The following BNC2 variants were observed in gnomAD, a reference collection of about 807,000 sequenced individuals.
The protein encoded by BNC2 is zinc finger protein basonuclin-2.
In BNC2, 20 loss-of-function variants were observed where a neutral mutation model predicts 76.3. The ratio of observed to expected loss-of-function variants is 0.26; its 90% confidence interval spans 0.18 to 0.38. The LOEUF (loss-of-function observed/expected upper bound fraction) is 0.38, where lower values mean the gene tolerates loss of function less well. BNC2 is among the 10% of genes least tolerant of loss of function. BNC2 has a pLI of 1.00. For missense variants in BNC2, 1,382 were observed against 1,399.8 expected (o/e 0.99, Z 0.20); for synonymous variants, 582 against 514.8 (o/e 1.13, Z -1.77).
At chr9:16,859,721 G>T (rs1178375972) in intron 1 of BNC2, among the ~76,000 whole-genome samples, 1 of 152,216 alleles carries the variant, frequency 6.6e-6, no homozygotes, top group African/African-American at 2.4e-5. Flanking sequence ...GTAAACGGGA[G>T]TTGTTATTCA....
intron 1 of BNC2, among the ~76,000 whole-genome samples, chr9:16,824,512 A>C (rs945130904): frequency 6.6e-6 from 1 of 152,070 alleles, no homozygotes; most frequent in Non-Finnish European, 1.5e-5. Flanking sequence ...GTTCTCCCAA[A>C]CTGTTATCTC....
intron 4 of BNC2, among the ~76,000 whole-genome samples, chr9:16,557,862 T>A (rs558984563): frequency 6.6e-6 from 1 of 151,660 alleles, no homozygotes; most frequent in South Asian, 2.1e-4. Flanking sequence ...TTTGTTGTTG[T>A]TTGTTTGTTT....
chr9:16,822,644 T>G lies in BNC2; in HGVS notation c.3+48002A>C, dbSNP rs1484553641. On this transcript the variant is annotated intron_variant, in intron 1 of 6. Coordinates refer to ENST00000380672, the MANE Select transcript of BNC2 (RefSeq NM_017637.6). The stretch of plus-strand genomic sequence containing the variant: ...GAACATTTTAAAAACACCAAAGTTG[T>G]TGTCATTTGCCCAAACGTGTCAAAT... Among the ~76,000 whole-genome samples the G allele has an allele frequency of 2.0e-5, 3 of 152,312 alleles. No individual in the cohort carries two copies. The East Asian group carries it at 5.8e-4, about 29-fold the overall frequency.
At chr9:16,582,411 C>T (rs1465509440) in intron 4 of BNC2, among the ~76,000 whole-genome samples, 2 of 152,114 alleles carry the variant, frequency 1.3e-5, no homozygotes, top group Admixed American at 6.5e-5. Flanking sequence ...AGAGCTCACA[C>T]TCTACCTACG....
intron 6 of BNC2, among the ~76,000 whole-genome samples, chr9:16,430,863 A>G (rs1820895266): frequency 6.6e-6 from 1 of 152,238 alleles, no homozygotes; most frequent in Non-Finnish European, 1.5e-5. Context: ...CTAGCAATCG[A>G]ATGGAAGGTT....
chr9:16,832,873 G>A (rs923507284), intron 1 of BNC2, among the ~76,000 whole-genome samples: 5 of 151,852 alleles, frequency 3.3e-5, no homozygotes, highest in Admixed American at 1.3e-4. Flanking sequence ...CTACAGGCAC[G>A]CACCACCATA....
At chr9:16,766,130 A>G (rs1356670886) in intron 1 of BNC2, among the ~76,000 whole-genome samples, 2 of 152,202 alleles carry the variant, frequency 1.3e-5, no homozygotes, top group African/African-American at 4.8e-5. Flanking sequence ...CCATATTAGC[A>G]GAGATGTAAA....
At chr9:16,486,614 C>A (rs1004833087) in intron 5 of BNC2, among the ~76,000 whole-genome samples, 1 of 152,244 alleles carries the variant, frequency 6.6e-6, no homozygotes, top group Non-Finnish European at 1.5e-5. Flanking sequence ...TTTAATGACA[C>A]ATTAGGCTCT....
At chr9:16,664,002 G>A (rs1187661121) in intron 3 of BNC2, among the ~76,000 whole-genome samples, 3 of 152,238 alleles carry the variant, frequency 2.0e-5, no homozygotes, top group East Asian at 1.9e-4. Flanking sequence ...CCCAACTAAC[G>A]TGCCATTATT....
chr9:16,525,205 G>A (rs1817760163), intron 5 of BNC2, among the ~76,000 whole-genome samples: 1 of 152,010 alleles, frequency 6.6e-6, no homozygotes, highest in Non-Finnish European at 1.5e-5. Context: ...TTCTAAGCCA[G>A]ACTCAAGAAT....
chr9:16,596,517 T>A (rs1344726810), intron 3 of BNC2, among the ~76,000 whole-genome samples: 1 of 152,156 alleles, frequency 6.6e-6, no homozygotes. Flanking sequence ...CTTTACACCA[T>A]TTGTTTGTGG....
chr9:16,743,545 C>T (rs1265999415), intron 1 of BNC2, among the ~76,000 whole-genome samples: 1 of 152,188 alleles, frequency 6.6e-6, no homozygotes, highest in African/African-American at 2.4e-5. Context: ...ATGTTGGCCA[C>T]ATTAATACCG....
chr9:16,498,158 C>T, intron 5 of BNC2, among the ~76,000 whole-genome samples: 1 of 139,200 alleles, frequency 7.2e-6, no homozygotes, highest in East Asian at 2.0e-4. Flanking sequence ...TATATTCCAT[C>T]ATATATATAT....
intron 1 of BNC2, among the ~76,000 whole-genome samples, chr9:16,808,078 G>A (rs1409355209): frequency 6.6e-6 from 1 of 152,072 alleles, no homozygotes; most frequent in Non-Finnish European, 1.5e-5. Context: ...AATTATATGA[G>A]TATTAAAAAT....
At chr9:16,739,328 CAGATG>C (rs1258889203) in intron 1 of BNC2, among the ~76,000 whole-genome samples, 1 of 152,170 alleles carries the variant, frequency 6.6e-6, no homozygotes, top group Non-Finnish European at 1.5e-5. Flanking sequence ...AACAGTATGA[CAGATG>C]GACTGAAGTG....
At chr9:16,722,674 T>C (rs1468252481) in intron 3 of BNC2, among the ~76,000 whole-genome samples, 1 of 152,244 alleles carries the variant, frequency 6.6e-6, no homozygotes, top group Non-Finnish European at 1.5e-5. Flanking sequence ...AAATGAATCA[T>C]GTTGAAAATA....
intron 6 of BNC2, among the ~76,000 whole-genome samples, chr9:16,427,624 A>G (rs1820827451): frequency 6.6e-6 from 1 of 152,254 alleles, no homozygotes; most frequent in Non-Finnish European, 1.5e-5. Flanking sequence ...AGCACATTGC[A>G]GTGCCAAAGT....
intron 2 of BNC2, among the ~76,000 whole-genome samples, chr9:16,732,962 G>C (rs1415818398): frequency 6.6e-6 from 1 of 152,108 alleles, no homozygotes; most frequent in East Asian, 1.9e-4. Flanking sequence ...AAAATGTTTT[G>C]CCCTCTCTTA....
chr9:16,863,313 G>A (rs976421571), intron 1 of BNC2, among the ~76,000 whole-genome samples: 7 of 152,186 alleles, frequency 4.6e-5, no homozygotes, highest in African/African-American at 1.4e-4. Flanking sequence ...CCACCTGGGG[G>A]AAAGACTATG....
Sources: gnomAD v4.1 joint callset for allele counts (sites outside exome capture counted in the v4.1 genomes callset) on GRCh38, gnomAD v4.1.1 for gene constraint, MANE v1.5 for transcripts, NCBI Gene and HGNC (gene_info 2026-07-23, HGNC 2026-07-21) for gene names.